The following SHISA7 variants were observed in gnomAD, a reference collection of about 807,000 sequenced individuals.
SHISA7 encodes the protein shisa family member 7, also known as protein shisa-7.
A neutral mutation model predicts 23.9 loss-of-function variants in SHISA7; 6 were observed. That is an observed-to-expected ratio of 0.25 (90% CI 0.14 to 0.50). The LOEUF is 0.50. Among genes scored for constraint, SHISA7 ranks in the 20% least tolerant of loss-of-function variants. SHISA7 has a pLI of 0.98. For synonymous variants in SHISA7, 386 were observed against 398.3 expected, an observed-to-expected ratio of 0.97 and a Z score of 0.37; for missense variants, 671 against 801.1, an observed-to-expected ratio of 0.84 and a Z score of 1.96.
Position 55,442,358 on chromosome 19 carries a change from C to T in SHISA7, c.506G>A (p.Arg169Gln), listed in dbSNP as rs1465803971. The T allele has an allele frequency of 2.8e-6, 4 of 1,431,560 alleles. No individual in the cohort carries two copies. Among genetic ancestry groups the T allele is most frequent in the Non-Finnish European group, 3.6e-6 (4 of 1,101,266 alleles). The allele number at this position is 1,431,560 out of a possible 1,614,324, so 88.7% of individuals were successfully genotyped here. ...PGQAGWLEGG[R>Q]TGGAGGRGGE... ...CCCGCGGCCCCCGGCACCCCCAGTC[C>T]GGCCCCCTTCCAACCACCCGGCCTG... is the stretch of plus-strand genomic sequence containing the variant. The change falls in exon 1 of 4, where the codon CGG becomes CAG. Residue 169 changes from arginine to glutamine, a missense_variant. Physicochemically the swap from Arg to Gln is conservative, Grantham distance 43 (BLOSUM62 1). This residue lies in a region of SHISA7 where 59 missense variants were observed against 57.2 expected (regional missense o/e 1.03). Transcript: ENST00000376325.
intron 3 of SHISA7, among the ~76,000 whole-genome samples, chr19:55,435,300 GTGTATA>G: frequency 7.5e-6 from 1 of 134,166 alleles, no homozygotes; most frequent in East Asian, 2.3e-4. Context: ...TGTGGTGTGT[GTGTATA>G]TGTGGTGTGT....
chr19:55,441,576 G>A (rs1985599124), intron 1 of SHISA7, among the ~76,000 whole-genome samples: 1 of 152,206 alleles, frequency 6.6e-6, no homozygotes, highest in Admixed American at 6.5e-5. Flanking sequence ...CCGTTCAGAG[G>A]CCTTTTCGGA....
intron 3 of SHISA7, among the ~76,000 whole-genome samples, chr19:55,434,542 TTGTGTGTGTATGG>T (rs1250402217): frequency 1.0e-5 from 1 of 97,016 alleles, no homozygotes; most frequent in Non-Finnish European, 2.1e-5. Context: ...GTGTGTGTGG[TTGTGTGTGTATGG>T]TGTGTGTGGT....
intron 3 of SHISA7, among the ~76,000 whole-genome samples, chr19:55,434,902 T>C (rs1222002449): frequency 9.2e-6 from 1 of 108,844 alleles, no homozygotes; most frequent in Non-Finnish European, 1.8e-5. Flanking sequence ...GTGTGTGTGG[T>C]GTGTGTGTAT....
intron 3 of SHISA7, among the ~76,000 whole-genome samples, chr19:55,434,876 T>C (rs200734611): frequency 0.044 from 3,589 of 81,660 alleles, 149 homozygotes; most frequent in Middle Eastern, 0.11. Flanking sequence ...GTGTGTGTGG[T>C]GTGTGTGTAT....
intron 3 of SHISA7, among the ~76,000 whole-genome samples, chr19:55,434,626 T>G: frequency 3.2e-5 from 3 of 94,056 alleles, no homozygotes; most frequent in Admixed American, 1.3e-4. Flanking sequence ...GGCGTGTGTG[T>G]GTGGTGTGTG....
chr19:55,434,424 GGT>G (rs1208315202), intron 3 of SHISA7, among the ~76,000 whole-genome samples: 52 of 134,990 alleles, frequency 3.9e-4, no homozygotes, highest in East Asian at 1.4e-3. Context: ...GTGTGTGTAT[GGT>G]GTGTGTGTGG....
At chr19:55,434,411 GGTGT>G (rs538856764) in intron 3 of SHISA7, among the ~76,000 whole-genome samples, 2 of 141,516 alleles carry the variant, frequency 1.4e-5, no homozygotes, top group African/African-American at 2.6e-5. Context: ...TGGTGTGTGT[GGTGT>G]GTGTGTATGG....
In SHISA7 at chr19:55,440,674, G is replaced by T. The variant is rs1985578029; in HGVS notation, c.763C>A (p.Pro255Thr). The T allele has an allele frequency of 8.0e-7, 1 of 1,249,638 alleles. No individual in the cohort carries two copies. Among genetic ancestry groups the T allele is most frequent in the African/African-American group, 1.6e-5 (1 of 64,486 alleles). The allele number at this position is 1,249,638 out of a possible 1,614,324, so 77.4% of individuals were successfully genotyped here. Residue 255 changes from proline to threonine, a missense_variant, in exon 2 of 4, where the codon CCC becomes ACC. By Grantham distance (38) the Pro-to-Thr change is conservative. Coordinates refer to ENST00000376325, the MANE Select transcript of SHISA7 (RefSeq NM_001145176.2). ...GGCGTCCTGGGGGGCATGCTGTCGG[G>T]ACCGCCGATCCCCGGGGTCAGGGAG... ...SSSLTPGIGG[P>T]DSMPPRTPKN... is the part of the protein sequence containing the mutation.
rs1039463998 is a variant in SHISA7, at chr19:55,431,945, C to T, written c.*1211G>A. 9.2e-5 allele frequency: 14 copies of T among 152,148 alleles called. No individual in the cohort carries two copies. In the East Asian group the frequency reaches 2.7e-3, roughly 29 times the overall value. The allele number at this position is 152,148 out of a possible 1,614,324, so 9.4% of individuals were successfully genotyped here. ...TGGCAGAGATCCTGCTGGACATGTC[C>T]CTGGAGTCTGGGGAGGGAGCAACCA... On this transcript the variant is annotated 3_prime_UTR_variant, in exon 4 of 4. Transcript: ENST00000376325.
Position 55,433,054 on chromosome 19 carries a change from G to C in SHISA7, c.*102C>G. ...AGGCTTTCACTCCTGTCCAAGGGCC[G>C]ATCTGGGCCCCAGGCCCCTGGCATG... On this transcript the variant is annotated 3_prime_UTR_variant, in exon 4 of 4. Coordinates refer to ENST00000376325, the MANE Select transcript of SHISA7 (RefSeq NM_001145176.2). The surrounding 1 kb of genome is among the most constrained non-coding windows in gnomAD (Gnocchi z 8.4). 7.4e-7 allele frequency: 1 copy of C among 1,355,764 alleles called. No individual in the cohort carries two copies. The highest frequency in any genetic ancestry group is 9.6e-7 in the Non-Finnish European group (1 of 1,045,558). The allele number at this position is 1,355,764 out of a possible 1,614,324, so 84.0% of individuals were successfully genotyped here. A position where few individuals can be genotyped will look rare whatever the true frequency, so the allele number is the denominator to read the frequency against.
rs1985271649 is a variant in SHISA7, at chr19:55,433,671, C to T, written c.1102G>A (p.Gly368Ser). 2.7e-6 allele frequency: 4 copies of T among 1,483,550 alleles called. No individual in the cohort carries two copies. Among genetic ancestry groups the T allele is most frequent in the Non-Finnish European group, 2.7e-6 (3 of 1,124,340 alleles). 91.9% of individuals were successfully genotyped at this position (1,483,550 alleles called of 1,614,324 possible). A position where few individuals can be genotyped will look rare whatever the true frequency, so the allele number is the denominator to read the frequency against. ...GGCGCCAGGCCCAGCTCCTCTGGGC[C>T]GCCCCAGGCCTCCATGCGATAGCCG... Reference protein sequence around the residue: ...GGGYRMEAWGGPEELGLAPAP... With the variant: ...GGGYRMEAWGSPEELGLAPAP... The change falls in exon 4 of 4, where the codon GGC (glycine) becomes AGC (serine). Residue 368 changes from glycine to serine, a missense_variant. Gly to Ser is a moderately conservative substitution (Grantham distance 56). Coordinates refer to ENST00000376325, the MANE Select transcript of SHISA7 (RefSeq NM_001145176.2). The surrounding 1 kb of genome is among the most constrained non-coding windows in gnomAD (Gnocchi z 8.4).
In SHISA7 at chr19:55,432,924, A is replaced by T; in HGVS notation, c.*232T>A. 1.8e-6 allele frequency: 1 copy of T among 542,896 alleles called. No individual in the cohort carries two copies. Among genetic ancestry groups the T allele is most frequent in the Non-Finnish European group, 3.1e-6 (1 of 318,134 alleles). The allele number at this position is 542,896 out of a possible 1,614,324, so 33.6% of individuals were successfully genotyped here. On this transcript the variant is annotated 3_prime_UTR_variant, in exon 4 of 4. Transcript: ENST00000376325. The surrounding 1 kb of genome is among the most constrained non-coding windows in gnomAD (Gnocchi z 4.6). ...AGACATTTTTGCTAGTGATGACCTC[A>T]TGAGCCGGCCTCTTCCTCTGGGATG...
In SHISA7 at chr19:55,433,853, C is replaced by T. The variant is rs938812240; in HGVS notation, c.977-57G>A. On this transcript the variant is annotated intron_variant, in intron 3 of 3. Transcript: ENST00000376325. This position sits in a 1 kb window ranked among gnomAD's most constrained non-coding sequence, Gnocchi z 8.4. Reference sequence around the variant, plus strand: ...GGGTCCCCTGCGCATCTAGAGCCCTCCCCCTCCCACCTCGTCACATCCCGC... The same window carrying T: ...GGGTCCCCTGCGCATCTAGAGCCCTTCCCCTCCCACCTCGTCACATCCCGC... The T allele has an allele frequency of 4.8e-5, 64 of 1,346,456 alleles. No individual in the cohort carries two copies. The highest frequency in any genetic ancestry group is 6.0e-5 in the Non-Finnish European group (63 of 1,053,628). The allele number at this position is 1,346,456 out of a possible 1,614,324, so 83.4% of individuals were successfully genotyped here.
intron 3 of SHISA7, among the ~76,000 whole-genome samples, chr19:55,434,139 C>T (rs915993587): frequency 1.3e-5 from 2 of 152,050 alleles, no homozygotes; most frequent in Non-Finnish European, 2.9e-5. Context: ...GTTGATTTTG[C>T]GGGTAGTGAG....
chr19:55,436,386 C>CT (rs1985460412), intron 3 of SHISA7, among the ~76,000 whole-genome samples: 2 of 149,126 alleles, frequency 1.3e-5, no homozygotes, highest in Non-Finnish European at 3.0e-5. Context: ...GGGTGGATCA[C>CT]AAGGTCAGGA....
Position 55,442,873 on chromosome 19 carries a change from AG to A in SHISA7, c.-11del. The A allele has an allele frequency of 6.0e-6, 8 of 1,342,914 alleles. No individual in the cohort carries two copies. The highest frequency in any genetic ancestry group is 3.8e-5 in the Admixed American group (1 of 26,280). 83.2% of individuals were successfully genotyped at this position (1,342,914 alleles called of 1,614,324 possible). Reference sequence around the variant, plus strand: ...GCAGGAGGGCCGGCATGGGGCTTGCAGGGGGTCGCACTGGGCCGCCAGGCTG... The same window carrying A: ...GCAGGAGGGCCGGCATGGGGCTTGCAGGGGTCGCACTGGGCCGCCAGGCTG... On this transcript the variant is annotated 5_prime_UTR_variant, in exon 1 of 4. Coordinates refer to ENST00000376325, the MANE Select transcript of SHISA7 (RefSeq NM_001145176.2).
In SHISA7 at chr19:55,431,011, A is replaced by T; in HGVS notation, c.*2145T>A. 6.6e-6 allele frequency: 1 copy of T among 151,758 alleles called. No individual in the cohort carries two copies. Among genetic ancestry groups the T allele is most frequent in the South Asian group, 2.1e-4 (1 of 4,786 alleles). 9.4% of individuals were successfully genotyped at this position (151,758 alleles called of 1,614,324 possible). A position where few individuals can be genotyped will look rare whatever the true frequency, so the allele number is the denominator to read the frequency against. Reference sequence around the variant, plus strand: ...GTGGATGGTGACAGCACTGGACCTCATGGATCACAGGAGATGATGACACCA... The same window carrying T: ...GTGGATGGTGACAGCACTGGACCTCTTGGATCACAGGAGATGATGACACCA... On this transcript the variant is annotated 3_prime_UTR_variant, in exon 4 of 4. Coordinates refer to ENST00000376325, the MANE Select transcript of SHISA7 (RefSeq NM_001145176.2).
At position 55,437,735 on chromosome 19, in the gene SHISA7, C is replaced by T; in HGVS notation, c.846G>A (p.Pro282=). 1 of 1,550,506 alleles carries T rather than the reference C, an allele frequency of 6.4e-7. No individual in the cohort carries two copies. Among genetic ancestry groups the T allele is most frequent in the Non-Finnish European group, 8.7e-7 (1 of 1,146,544 alleles). ...TPNLDWRALP[P]PSPSLHYSTL... ...TGGAGTAGTGCAAGGAGGGGCTGGG[C>T]GGCGGCAAGGCTCGCCAGTCTGGGT... The change falls in exon 3 of 4, where the codon CCG becomes CCA. Residue 282 remains proline (P), a synonymous_variant. Coordinates refer to ENST00000376325, the MANE Select transcript of SHISA7 (RefSeq NM_001145176.2).
Sources: allele counts gnomAD v4.1 joint callset (sites outside exome capture counted in the v4.1 genomes callset), GRCh38; gene constraint gnomAD v4.1.1; regional missense constraint gnomAD v4.1.1; non-coding constraint Gnocchi (gnomAD v3.1); transcripts MANE v1.5; gene names NCBI Gene and HGNC (gene_info 2026-07-23, HGNC 2026-07-21).